The following STAG2 variants were observed in gnomAD, a reference collection of about 807,000 sequenced individuals.
STAG2 encodes the protein cohesin subunit SA-2.
STAG2 carries 14 observed loss-of-function variants against 108.1 expected under a neutral mutation model. The observed-to-expected ratio is 0.13, with a 90% CI of 0.09 to 0.20. The LOEUF (loss-of-function observed/expected upper bound fraction) is 0.20. Among genes scored for constraint, STAG2 ranks in the 10% least tolerant of loss-of-function variants. STAG2 has a pLI of 1.00. For missense variants in STAG2, 440 were observed against 940.9 expected (o/e 0.47, Z 6.96); for synonymous variants, 307 against 302.7 (o/e 1.01, Z -0.15).
chrX:123,996,979 G>A (rs2147804122), intron 1 of STAG2, among the ~76,000 whole-genome samples: 1 of 112,395 alleles, frequency 8.9e-6, no homozygotes, highest in African/African-American at 3.2e-5. Flanking sequence ...AGTCATTCCA[G>A]CACCATTTGT....
intron 24 of STAG2, among the ~76,000 whole-genome samples, chrX:124,070,617 C>T (rs2058641356): frequency 8.9e-6 from 1 of 112,059 alleles, no homozygotes; most frequent in East Asian, 2.8e-4. Context: ...GTTATGTTTT[C>T]GCTACTTAAT....
chrX:124,019,937 GTCTGTC>G (rs1477611975), intron 1 of STAG2, among the ~76,000 whole-genome samples: 1 of 112,251 alleles, frequency 8.9e-6, no homozygotes, highest in African/African-American at 3.2e-5. Flanking sequence ...GACCTTGTCT[GTCTGTC>G]TCTATTTTTT....
chrX:124,054,453 A>G (rs1305688611), intron 13 of STAG2, among the ~76,000 whole-genome samples: 1 of 111,861 alleles, frequency 8.9e-6, no homozygotes, highest in Non-Finnish European at 1.9e-5. Context: ...GCATTCTTTA[A>G]TTTTTAATTA....
At chrX:124,069,520 G>A (rs1196754677) in intron 24 of STAG2, among the ~76,000 whole-genome samples, 1 of 111,453 alleles carries the variant, frequency 9.0e-6, no homozygotes, top group African/African-American at 3.3e-5. Context: ...TTTGGCACTT[G>A]TCTTTATTTA....
Position 124,006,588 on chromosome X carries a change from A to G in STAG2, c.-162-14779A>G, listed in dbSNP as rs761481444. Reference sequence around the variant, plus strand: ...CGAGTAGCTGGGACTACAGGTGCCCACCACCACGCCCGGCTAATTTTTTTG... The same window carrying G: ...CGAGTAGCTGGGACTACAGGTGCCCGCCACCACGCCCGGCTAATTTTTTTG... On this transcript the variant is annotated intron_variant, in intron 1 of 34. Coordinates refer to ENST00000371145, the MANE Select transcript of STAG2 (RefSeq NM_001042750.2). Among the ~76,000 whole-genome samples the G allele has an allele frequency of 3.5e-3, 378 of 109,132 alleles. 1 individual carries two copies. The highest frequency in any genetic ancestry group is 6.0e-3 in the Non-Finnish European group (313 of 52,339). The allele number at this position is 109,132 out of a possible 115,157, so 94.8% of individuals were successfully genotyped here. A position where few individuals can be genotyped will look rare whatever the true frequency, so the allele number is the denominator to read the frequency against.
chrX:124,013,307 GCACACACACACACACAAACA>G (rs1345276401), intron 1 of STAG2, among the ~76,000 whole-genome samples: 8 of 97,792 alleles, frequency 8.2e-5, no homozygotes, highest in South Asian at 5.4e-4. Flanking sequence ...GTATACACAT[GCACACACACACACACAAACA>G]CACACACACA....
intron 25 of STAG2, among the ~76,000 whole-genome samples, chrX:124,072,073 G>A (rs1168676556): frequency 9.0e-6 from 1 of 111,219 alleles, no homozygotes; most frequent in African/African-American, 3.3e-5. Flanking sequence ...GAGTACAGTA[G>A]CATGATATTA....
At chrX:124,025,657 A>G (rs1009791557) in intron 3 of STAG2, among the ~76,000 whole-genome samples, 183 bp from the exon 4 acceptor site, 5 of 111,428 alleles carry the variant, frequency 4.5e-5, no homozygotes, top group Admixed American at 2.9e-4. Flanking sequence ...TGCTTATGTA[A>G]TCTTGTGTGT....
rs747487288 is a variant in STAG2 at position 124,100,843 on chromosome X, TGTTA to T, written c.*250_*253del. On this transcript the variant is annotated 3_prime_UTR_variant, in exon 35 of 35. Transcript: ENST00000371145. ...GAAAGTAAATATTTTATTTATGCGC[TGTTA>T]GTTGGCTTTTGAATCGATTATTTCA... 18 of 261,123 alleles carry T rather than the reference TGTTA, an allele frequency of 6.9e-5. No individual in the cohort carries two copies. The highest frequency in any genetic ancestry group is 4.9e-4 in the East Asian group (9 of 18,285). The allele number at this position is 261,123 out of a possible 1,213,427, so 21.5% of individuals were successfully genotyped here. A position where few individuals can be genotyped will look rare whatever the true frequency, so the allele number is the denominator to read the frequency against.
intron 34 of STAG2, among the ~76,000 whole-genome samples, chrX:124,099,816 A>G (rs180799493): frequency 1.5e-3 from 173 of 111,705 alleles, no homozygotes; most frequent in African/African-American, 5.3e-3. Context: ...ATTTTAATTG[A>G]ACAACCTAAC....
At chrX:124,013,017 C>T (rs1166187891) in intron 1 of STAG2, among the ~76,000 whole-genome samples, 1 of 111,455 alleles carries the variant, frequency 9.0e-6, no homozygotes, top group East Asian at 2.8e-4. Flanking sequence ...ATGAAATCTG[C>T]CTTTTTTTGA....
intron 3 of STAG2, among the ~76,000 whole-genome samples, chrX:124,023,880 G>A (rs977161928): frequency 5.4e-5 from 6 of 111,550 alleles, no homozygotes; most frequent in Non-Finnish European, 1.1e-4. Flanking sequence ...GACTGGGTAT[G>A]TGGGGTGCAG....
At chrX:124,035,311 G>T (rs377184636) in intron 5 of STAG2, among the ~76,000 whole-genome samples, 1 of 111,399 alleles carries the variant, frequency 9.0e-6, no homozygotes, top group Non-Finnish European at 1.9e-5. Context: ...TCAGTAGCTC[G>T]CATTATTTTT....
intron 10 of STAG2, among the ~76,000 whole-genome samples, chrX:124,049,719 T>G (rs2148214798): frequency 8.9e-6 from 1 of 112,269 alleles, no homozygotes; most frequent in African/African-American, 3.2e-5. Flanking sequence ...AAATATCCTT[T>G]TATTGTGTTA....
At chrX:124,060,004 G>T (rs955963217) in intron 15 of STAG2, among the ~76,000 whole-genome samples, 1 of 111,507 alleles carries the variant, frequency 9.0e-6, no homozygotes. Flanking sequence ...TGTTCATAAA[G>T]GATTTAGATT....
intron 1 of STAG2, among the ~76,000 whole-genome samples, chrX:124,009,435 G>GATAGATAGA (rs1569501942): frequency 0.027 from 1,947 of 70,906 alleles, 49 homozygotes; most frequent in Non-Finnish European, 0.038. Context: ...AGGTAGGTAG[G>GATAGATAGA]TAGGTAGGTA....
chrX:124,097,545 C>A, intron 34 of STAG2: 1 of 182,555 alleles, frequency 5.5e-6, no homozygotes. Flanking sequence ...TAAGACACTC[C>A]CTGTCCTTAA....
Position 124,102,435 on chromosome X carries a change from C to T in STAG2, c.*1838C>T. 6.4e-6 allele frequency: 1 copy of T among 155,971 alleles called. No homozygotes were observed. 12.9% of individuals were successfully genotyped at this position (155,971 alleles called of 1,213,427 possible). ...TCCACATTCTATTGTCCTAATTGTA[C>T]TGTTTTCTGATTTGTATTTATGTCT... On this transcript the variant is annotated 3_prime_UTR_variant, in exon 35 of 35. Coordinates refer to ENST00000371145, the MANE Select transcript of STAG2 (RefSeq NM_001042750.2).
rs777889920 is a variant in STAG2, at chrX:124,072,365, T to C, written c.2533+1042T>C. On this transcript the variant is annotated intron_variant, in intron 25 of 34. Transcript: ENST00000371145. ...CAGGGTGTAAGTATATATGTAATTC[T>C]GTATATGGCATGTAGCTTACTTTTA... is the stretch of plus-strand genomic sequence containing the variant. Among the ~76,000 whole-genome samples, 3 of 112,252 alleles carry C rather than the reference T, an allele frequency of 2.7e-5. No homozygotes were observed. In the Admixed American group the frequency reaches 2.8e-4, roughly 11 times the overall value.
Sources: allele counts gnomAD v4.1 joint callset (sites outside exome capture counted in the v4.1 genomes callset), GRCh38; gene constraint gnomAD v4.1.1; transcripts MANE v1.5; gene names NCBI Gene and HGNC (gene_info 2026-07-23, HGNC 2026-07-21).